Variants in CLEC9A observed in about 807,000 individuals in gnomAD.
CLEC9A encodes C-type lectin domain containing 9A, also known as C-type lectin domain family 9 member A.
A neutral mutation model predicts 30.0 loss-of-function variants in CLEC9A; 24 were observed. The observed-to-expected ratio is 0.80, with a 90% CI of 0.58 to 1.13. The LOEUF is 1.13. Among genes scored for constraint, CLEC9A ranks in the 50% most tolerant of loss-of-function variants. The pLI is 0.00. For synonymous variants in CLEC9A, 111 were observed against 96.8 expected (o/e 1.15, Z -0.86); for missense variants, 251 against 280.9 (o/e 0.89, Z 0.76).
chr12:10,061,718 T>C (rs1485978044), intron 6 of CLEC9A, among the ~76,000 whole-genome samples: 2 of 152,204 alleles, frequency 1.3e-5, no homozygotes, highest in African/African-American at 4.8e-5. Context: ...AAAATTCTTT[T>C]ACGATGCAGG....
chr12:10,043,423 T>C (rs1343942962), intron 2 of CLEC9A: 2 of 162,940 alleles, frequency 1.2e-5, no homozygotes, highest in South Asian at 3.0e-4. Flanking sequence ...TGTGTCTCTA[T>C]AACCTACTAT....
At chr12:10,057,983 G>A (rs898323766) in intron 5 of CLEC9A, among the ~76,000 whole-genome samples, 22 of 152,068 alleles carry the variant, frequency 1.4e-4, no homozygotes, top group Non-Finnish European at 2.1e-4. Flanking sequence ...TTTGGGGGAC[G>A]TTAAAAGTAT....
chr12:10,045,921 A>G (rs1312084644), intron 2 of CLEC9A, among the ~76,000 whole-genome samples: 1 of 152,240 alleles, frequency 6.6e-6, no homozygotes, highest in African/African-American at 2.4e-5. Context: ...ATCTTCATAT[A>G]TACACATATA....
At chr12:10,058,648 G>T (rs1025046585) in intron 5 of CLEC9A, among the ~76,000 whole-genome samples, 1 of 152,182 alleles carries the variant, frequency 6.6e-6, no homozygotes, top group Admixed American at 6.5e-5. Flanking sequence ...GGGTTCAAGT[G>T]CCTCTCCTGT....
At chr12:10,047,990 T>C (rs1400397504) in intron 2 of CLEC9A, among the ~76,000 whole-genome samples, 1 of 151,586 alleles carries the variant, frequency 6.6e-6, no homozygotes, top group Non-Finnish European at 1.5e-5. Context: ...TCCCAGCACT[T>C]TGGGAGGCCG....
intron 4 of CLEC9A, 125 bp downstream of exon 4, chr12:10,052,903 C>A: frequency 9.9e-7 from 1 of 1,014,778 alleles, no homozygotes; most frequent in Non-Finnish European, 1.4e-6. Flanking sequence ...ACTGTAATGT[C>A]CGTGAAATGC....
chr12:10,049,114 G>T (rs899901833), intron 2 of CLEC9A, among the ~76,000 whole-genome samples: 1 of 152,020 alleles, frequency 6.6e-6, no homozygotes, highest in African/African-American at 2.4e-5. Context: ...AGTGAATAGA[G>T]GGATTGTCAA....
chr12:10,050,943 G>A (rs984875816), intron 2 of CLEC9A, among the ~76,000 whole-genome samples: 4 of 152,126 alleles, frequency 2.6e-5, no homozygotes, highest in Non-Finnish European at 5.9e-5. Flanking sequence ...AGTGGTTCAC[G>A]CTTATAATCC....
At chr12:10,034,258 C>A (rs911272901) in intron 1 of CLEC9A, among the ~76,000 whole-genome samples, 1 of 152,096 alleles carries the variant, frequency 6.6e-6, no homozygotes, top group African/African-American at 2.4e-5. Context: ...ATAGAAAGAG[C>A]AATAAATGGC....
At chr12:10,046,350 A>C (rs1865846140) in intron 2 of CLEC9A, among the ~76,000 whole-genome samples, 1 of 152,206 alleles carries the variant, frequency 6.6e-6, no homozygotes, top group African/African-American at 2.4e-5. Flanking sequence ...TTCCAAGTTC[A>C]TTTCTGGTTA....
At chr12:10,065,072 C>T (rs1866031537) in intron 8 of CLEC9A, among the ~76,000 whole-genome samples, 1 of 152,142 alleles carries the variant, frequency 6.6e-6, no homozygotes, top group Non-Finnish European at 1.5e-5. Flanking sequence ...AGAAAATTCA[C>T]CTCACAATTT....
intron 2 of CLEC9A, among the ~76,000 whole-genome samples, chr12:10,046,932 T>A (rs973115191): frequency 6.6e-6 from 1 of 152,232 alleles, no homozygotes; most frequent in African/African-American, 2.4e-5. Context: ...ACCTTGCTCA[T>A]AGGTAATTGT....
At chr12:10,049,926 G>A (rs542916812) in intron 2 of CLEC9A, among the ~76,000 whole-genome samples, 1 of 152,210 alleles carries the variant, frequency 6.6e-6, no homozygotes, top group South Asian at 2.1e-4. Flanking sequence ...TATCTTTGCT[G>A]TTGACATGTC....
chr12:10,039,966 G>T (rs1865777223), intron 1 of CLEC9A, among the ~76,000 whole-genome samples: 1 of 152,086 alleles, frequency 6.6e-6, no homozygotes, highest in African/African-American at 2.4e-5. Context: ...GGCATTACAG[G>T]TGTGCACCAC....
intron 4 of CLEC9A, among the ~76,000 whole-genome samples, chr12:10,053,077 C>G (rs1003240163): frequency 2.6e-5 from 4 of 152,126 alleles, no homozygotes; most frequent in African/African-American, 7.2e-5. Flanking sequence ...TGAACTCCTA[C>G]TAAAACATTC....
chr12:10,047,042 A>G (rs946729055), intron 2 of CLEC9A, among the ~76,000 whole-genome samples: 1 of 152,202 alleles, frequency 6.6e-6, no homozygotes, highest in Non-Finnish European at 1.5e-5. Context: ...GTGCACTAAC[A>G]CTTAAAGACA....
chr12:10,043,267 A>G, intron 2 of CLEC9A: 1 of 320,724 alleles, frequency 3.1e-6, no homozygotes, highest in South Asian at 2.6e-5. Context: ...TTATCCCACC[A>G]GAACTCTAAT....
chr12:10,062,896 T>C (rs1231940447), intron 6 of CLEC9A, among the ~76,000 whole-genome samples, 159 bp from the exon 7 acceptor site: 1 of 152,204 alleles, frequency 6.6e-6, no homozygotes, highest in East Asian at 1.9e-4. Context: ...CTTACTATAT[T>C]GAGCCTCAGA....
chr12:10,037,879 G>A (rs1684979747), intron 1 of CLEC9A, among the ~76,000 whole-genome samples: 2 of 152,168 alleles, frequency 1.3e-5, no homozygotes, highest in South Asian at 2.1e-4. Flanking sequence ...ATGGAAAAGA[G>A]TGAAGCAAGG....
Sources: allele counts gnomAD v4.1 joint callset (sites outside exome capture counted in the v4.1 genomes callset), GRCh38; gene constraint gnomAD v4.1.1; transcripts MANE v1.5; gene names NCBI Gene and HGNC (gene_info 2026-07-23, HGNC 2026-07-21).